IL1RAPL2: variants seen among roughly 807,000 people sequenced by gnomAD.
IL1RAPL2 encodes the protein X-linked interleukin-1 receptor accessory protein-like 2.
IL1RAPL2 carries 3 observed loss-of-function variants against 44.1 expected under a neutral mutation model. The observed-to-expected ratio is 0.07, with a 90% CI of 0.03 to 0.18. The LOEUF is 0.18. IL1RAPL2 is among the 10% of genes least tolerant of loss of function. IL1RAPL2 has a pLI of 1.00. For missense variants in IL1RAPL2, 391 were observed against 496.4 expected (o/e 0.79, Z 2.02); for synonymous variants, 181 against 178.8 (o/e 1.01, Z -0.10).
At chrX:104,921,441 C>T (rs1924636846) in intron 2 of IL1RAPL2, among the ~76,000 whole-genome samples, 1 of 112,349 alleles carries the variant, frequency 8.9e-6, no homozygotes, top group South Asian at 3.7e-4. Context: ...GCCATTCCCA[C>T]AGGGGAGGGG....
intron 3 of IL1RAPL2, among the ~76,000 whole-genome samples, chrX:105,226,030 G>A (rs1485921254): frequency 8.9e-6 from 1 of 111,792 alleles, no homozygotes; most frequent in Non-Finnish European, 1.9e-5. Context: ...GCAAAAGGCA[G>A]GTTTGCTTAT....
At chrX:104,914,500 A>G (rs1924349476) in intron 2 of IL1RAPL2, among the ~76,000 whole-genome samples, 1 of 112,247 alleles carries the variant, frequency 8.9e-6, no homozygotes, top group Non-Finnish European at 1.9e-5. Flanking sequence ...ATGCATCTGG[A>G]AAGATATTCT....
chrX:104,786,583 C>T (rs1932798917), intron 2 of IL1RAPL2, among the ~76,000 whole-genome samples: 1 of 111,625 alleles, frequency 9.0e-6, no homozygotes, highest in East Asian at 2.8e-4. Flanking sequence ...AATAGCTTAA[C>T]AACTTAACCC....
intron 6 of IL1RAPL2, among the ~76,000 whole-genome samples, chrX:105,572,759 G>A (rs1227247688): frequency 8.9e-6 from 1 of 111,875 alleles, no homozygotes; most frequent in African/African-American, 3.2e-5. Flanking sequence ...TGTTGTAACA[G>A]TTCTGTTTGT....
chrX:105,180,367 G>C (rs781929961), intron 2 of IL1RAPL2, among the ~76,000 whole-genome samples: 2 of 107,758 alleles, frequency 1.9e-5, no homozygotes, highest in African/African-American at 7.2e-5. Context: ...AAAAAAAAAA[G>C]AAAAGAAAAA....
intron 5 of IL1RAPL2, among the ~76,000 whole-genome samples, chrX:105,310,061 A>T (rs1284515038): frequency 9.0e-6 from 1 of 111,394 alleles, no homozygotes; most frequent in African/African-American, 3.3e-5. Flanking sequence ...ACTTCTTAAG[A>T]CATTTGATGA....
At chrX:104,585,386 T>TAA (rs1491111839) in intron 1 of IL1RAPL2, among the ~76,000 whole-genome samples, 5 of 24,808 alleles carry the variant, frequency 2.0e-4, no homozygotes, top group African/African-American at 2.0e-3. Flanking sequence ...ATAATATATA[T>TAA]TATATATAAT....
intron 2 of IL1RAPL2, among the ~76,000 whole-genome samples, chrX:104,763,576 C>T (rs1054244847): frequency 6.3e-5 from 7 of 111,846 alleles, no homozygotes; most frequent in African/African-American, 2.3e-4. Context: ...CTAATAAAGA[C>T]ATGTCCCAGA....
chrX:105,713,267 C>T (rs2038227481), intron 6 of IL1RAPL2, among the ~76,000 whole-genome samples: 2 of 111,759 alleles, frequency 1.8e-5, no homozygotes, highest in Admixed American at 9.5e-5. Context: ...TTCCCTTCCA[C>T]ACTGCTCTAA....
intron 2 of IL1RAPL2, among the ~76,000 whole-genome samples, chrX:105,095,065 A>G (rs747004213): frequency 4.0e-4 from 44 of 111,312 alleles, no homozygotes; most frequent in Non-Finnish European, 6.4e-4. Context: ...TTTTCTGTGG[A>G]TTCCTGAGTA....
chrX:105,676,894 A>T (rs2037877632), intron 6 of IL1RAPL2, among the ~76,000 whole-genome samples: 1 of 112,060 alleles, frequency 8.9e-6, no homozygotes, highest in South Asian at 3.7e-4. Flanking sequence ...TTTAGTGATG[A>T]CATATTTATT....
intron 8 of IL1RAPL2, among the ~76,000 whole-genome samples, chrX:105,747,448 TTCTC>T (rs746410456): frequency 0.027 from 2,301 of 84,537 alleles, 62 homozygotes; most frequent in African/African-American, 0.058. Flanking sequence ...TGATTGGCTG[TTCTC>T]TCTCTCTCTC....
intron 2 of IL1RAPL2, among the ~76,000 whole-genome samples, chrX:104,880,960 G>A (rs1182936148): frequency 1.8e-5 from 2 of 111,379 alleles, no homozygotes; most frequent in Non-Finnish European, 3.8e-5. Flanking sequence ...TTTCAATAAC[G>A]ACCTCATTTT....
chrX:105,212,921 C>A (rs1292486385), intron 3 of IL1RAPL2, among the ~76,000 whole-genome samples: 1 of 112,020 alleles, frequency 8.9e-6, no homozygotes, highest in African/African-American at 3.2e-5. Context: ...CAAACAGAAA[C>A]CAACAACATC....
At chrX:104,729,447 CTTTTTTTTTTTTTT>C (rs5903245) in intron 2 of IL1RAPL2, among the ~76,000 whole-genome samples, 1 of 46,481 alleles carries the variant, frequency 2.2e-5, no homozygotes, top group Non-Finnish European at 4.0e-5. Context: ...GGCCTGCTGC[CTTTTTTTTTTTTTT>C]TTTTTTTTTT....
intron 2 of IL1RAPL2, among the ~76,000 whole-genome samples, chrX:105,134,002 C>G (rs1051645829): frequency 4.5e-5 from 5 of 111,684 alleles, no homozygotes; most frequent in African/African-American, 1.6e-4. Context: ...GACATTCTAT[C>G]ACTTTTCTAT....
At chrX:105,345,527 A>C (rs931854943) in intron 5 of IL1RAPL2, among the ~76,000 whole-genome samples, 1 of 110,914 alleles carries the variant, frequency 9.0e-6, no homozygotes, top group African/African-American at 3.3e-5. Flanking sequence ...CTTTGAAGAA[A>C]AGAAGTAAAT....
chrX:104,699,853 A>G (rs1289589551), intron 2 of IL1RAPL2, among the ~76,000 whole-genome samples: 1 of 111,912 alleles, frequency 8.9e-6, no homozygotes, highest in Non-Finnish European at 1.9e-5. Context: ...ACTCTAGGAC[A>G]TGGTCCTTGT....
intron 4 of IL1RAPL2, among the ~76,000 whole-genome samples, chrX:105,237,731 A>G (rs112652346): frequency 0.079 from 8,801 of 110,754 alleles, 901 homozygotes; most frequent in African/African-American, 0.27. Flanking sequence ...TGTAGATTCT[A>G]GATATTAGCC....
Sources: allele counts gnomAD v4.1 joint callset (sites outside exome capture counted in the v4.1 genomes callset), GRCh38; gene constraint gnomAD v4.1.1; transcripts MANE v1.5; gene names NCBI Gene and HGNC (gene_info 2026-07-23, HGNC 2026-07-21).